BCKDHB: variants seen among roughly 807,000 people sequenced by gnomAD.
The protein encoded by BCKDHB is branched chain keto acid dehydrogenase E1 subunit beta.
BCKDHB carries 41 observed loss-of-function variants against 48.5 expected under a neutral mutation model. The ratio of observed to expected loss-of-function variants is 0.85; its 90% confidence interval spans 0.66 to 1.10. BCKDHB has a LOEUF of 1.10. Ranked by LOEUF, BCKDHB falls within the 50% of genes least tolerant of loss-of-function variation. The pLI is 0.00. For missense variants in BCKDHB, 496 were observed against 494.2 expected (o/e 1.00, Z -0.03); for synonymous variants, 201 against 174.8 (o/e 1.15, Z -1.18).
chr6:80,153,239 T>A (rs1022785692), intron 3 of BCKDHB, among the ~76,000 whole-genome samples: 3 of 152,254 alleles, frequency 2.0e-5, no homozygotes, highest in African/African-American at 7.2e-5. Flanking sequence ...TTTGGATGTG[T>A]GCCTCCTTGG....
chr6:80,150,302 A>G (rs1274457437), intron 3 of BCKDHB, among the ~76,000 whole-genome samples: 10 of 152,080 alleles, frequency 6.6e-5, no homozygotes, highest in Admixed American at 6.6e-4. Flanking sequence ...GTATTTACTT[A>G]TATATAATAT....
chr6:80,233,973 G>A (rs1017749083), intron 8 of BCKDHB, among the ~76,000 whole-genome samples: 1 of 151,730 alleles, frequency 6.6e-6, no homozygotes, highest in Non-Finnish European at 1.5e-5. Context: ...AAATGGTTTC[G>A]AGATGAAACT....
intron 9 of BCKDHB, among the ~76,000 whole-genome samples, chr6:80,333,056 T>G (rs1769400666): frequency 6.6e-6 from 1 of 152,234 alleles, no homozygotes; most frequent in Non-Finnish European, 1.5e-5. Flanking sequence ...TTATAAATGT[T>G]TTTAAAATCC....
chr6:80,322,620 C>T (rs1156976038), intron 9 of BCKDHB, among the ~76,000 whole-genome samples: 2 of 152,078 alleles, frequency 1.3e-5, no homozygotes, highest in Non-Finnish European at 2.9e-5. Flanking sequence ...GCTTAGTGAC[C>T]TACAGTTGTG....
chr6:80,150,355 C>T (rs2505941), intron 3 of BCKDHB, among the ~76,000 whole-genome samples: 6,977 of 151,904 alleles, frequency 0.046, 522 homozygotes, highest in African/African-American at 0.16. Flanking sequence ...GTGCCAAACA[C>T]AAAGATTGGT....
the BCKDHB span, among the ~76,000 whole-genome samples, chr6:80,407,515 T>A: frequency 6.6e-6 from 1 of 152,326 alleles, no homozygotes; most frequent in Non-Finnish European, 1.5e-5. Flanking sequence ...CATTTGTTTG[T>A]GTCTTCTTTT....
intron 3 of BCKDHB, among the ~76,000 whole-genome samples, chr6:80,161,046 T>G (rs1273786310): frequency 1.3e-5 from 2 of 152,128 alleles, no homozygotes; most frequent in African/African-American, 4.8e-5. Flanking sequence ...TGTTTCAGAG[T>G]GGGCATAGTT....
chr6:80,248,643 G>T (rs1202024967), intron 8 of BCKDHB, among the ~76,000 whole-genome samples: 1 of 152,060 alleles, frequency 6.6e-6, no homozygotes, highest in East Asian at 1.9e-4. Context: ...GGAGAGTTGG[G>T]GCAGAATGAG....
At chr6:80,257,535 GAC>G (rs1180471965) in intron 8 of BCKDHB, among the ~76,000 whole-genome samples, 10 of 151,782 alleles carry the variant, frequency 6.6e-5, no homozygotes, top group Admixed American at 5.3e-4. Context: ...TCTTCAGAGA[GAC>G]AGAATCAAAA....
At chr6:80,338,755 A>G (rs1455188035) in intron 9 of BCKDHB, among the ~76,000 whole-genome samples, 4 of 152,206 alleles carry the variant, frequency 2.6e-5, no homozygotes, top group Non-Finnish European at 5.9e-5. Context: ...ATTGAGCACT[A>G]TGACATGTCA....
chr6:80,432,450 C>A, the BCKDHB span, among the ~76,000 whole-genome samples: 1 of 152,082 alleles, frequency 6.6e-6, no homozygotes, highest in African/African-American at 2.4e-5. Context: ...TCACTGATAT[C>A]CTTTCTTCCG....
chr6:80,129,284 TA>T (rs1267494633), intron 3 of BCKDHB, 55 bp downstream of exon 3: 13 of 1,448,022 alleles, frequency 9.0e-6, no homozygotes, highest in Non-Finnish European at 1.2e-5. Flanking sequence ...TAAAAGATCT[TA>T]AAAATACAAA....
At chr6:80,419,195 C>T in the BCKDHB span, among the ~76,000 whole-genome samples, 1 of 152,126 alleles carries the variant, frequency 6.6e-6, no homozygotes, top group Non-Finnish European at 1.5e-5. Flanking sequence ...TACACACCAG[C>T]AAAGTGATGT....
intron 9 of BCKDHB, among the ~76,000 whole-genome samples, chr6:80,325,008 A>G (rs569323754): frequency 6.1e-4 from 93 of 152,338 alleles, no homozygotes; most frequent in African/African-American, 2.1e-3. Context: ...CAGTGATTCA[A>G]TGCAATCAGT....
intron 9 of BCKDHB, among the ~76,000 whole-genome samples, chr6:80,333,133 A>G (rs566391729): frequency 1.3e-5 from 2 of 152,296 alleles, no homozygotes; most frequent in Non-Finnish European, 2.9e-5. Flanking sequence ...CAATAATAGC[A>G]CTAAGTACAG....
intron 9 of BCKDHB, among the ~76,000 whole-genome samples, chr6:80,328,330 GTGGC>G (rs1769145185): frequency 6.6e-6 from 1 of 152,008 alleles, no homozygotes. Context: ...CACTGGCAGT[GTGGC>G]TGATTGAGTG....
At chr6:80,108,095 T>C (rs2127702040) in intron 1 of BCKDHB, among the ~76,000 whole-genome samples, 1 of 152,204 alleles carries the variant, frequency 6.6e-6, no homozygotes, top group Non-Finnish European at 1.5e-5. Flanking sequence ...TTTATTCCCA[T>C]TTTGCAGTTA....
chr6:80,451,858 A>C, the BCKDHB span, among the ~76,000 whole-genome samples: 2 of 152,198 alleles, frequency 1.3e-5, no homozygotes, highest in African/African-American at 4.8e-5. Flanking sequence ...GGCTCTATAC[A>C]GTCAATCTCA....
At chr6:80,466,246 T>G in the BCKDHB span, among the ~76,000 whole-genome samples, 9 of 152,334 alleles carry the variant, frequency 5.9e-5, no homozygotes, top group Admixed American at 5.9e-4. Flanking sequence ...TTCCCTATAT[T>G]ATACTTACAC....
Sources: gnomAD v4.1 joint callset for allele counts (sites outside exome capture counted in the v4.1 genomes callset) on GRCh38, gnomAD v4.1.1 for gene constraint, MANE v1.5 for transcripts, NCBI Gene and HGNC (gene_info 2026-07-23, HGNC 2026-07-21) for gene names.